Variants in LTF observed in about 807,000 individuals in gnomAD.
LTF encodes the protein epididymis luminal protein 110.
A neutral mutation model predicts 87.2 loss-of-function variants in LTF; 91 were observed. The ratio of observed to expected loss-of-function variants is 1.04; its 90% CI spans 0.88 to 1.24. The LOEUF (loss-of-function observed/expected upper bound fraction) is 1.24. LTF is among the 50% of genes most tolerant of loss of function. The pLI is 0.00. For synonymous variants in LTF, 378 were observed against 356.1 expected (o/e 1.06, Z -0.69); for missense variants, 901 against 904.3 (o/e 1.00, Z 0.05).
At chr3:46,438,843 G>A (rs1702447576) in intron 15 of LTF, among the ~76,000 whole-genome samples, 1 of 152,132 alleles carries the variant, frequency 6.6e-6, no homozygotes, top group Non-Finnish European at 1.5e-5. Context: ...ATCACATTTA[G>A]AGAGCCCTAA....
At chr3:46,468,852 A>C (rs1703248013), upstream of LTF, among the ~76,000 whole-genome samples, 1 of 152,206 alleles carries the variant, frequency 6.6e-6, no homozygotes, top group South Asian at 2.1e-4. Context: ...AACTGATGGC[A>C]GCTTGATATC....
At chr3:46,438,559 C>A (rs765422181) in intron 15 of LTF, among the ~76,000 whole-genome samples, 1 of 152,192 alleles carries the variant, frequency 6.6e-6, no homozygotes, top group Non-Finnish European at 1.5e-5. Context: ...GCTCAGTGTG[C>A]AGGTCGGTCA....
At chr3:46,438,994 T>C (rs1262172609) in intron 15 of LTF, among the ~76,000 whole-genome samples, 1 of 152,044 alleles carries the variant, frequency 6.6e-6, no homozygotes, top group African/African-American at 2.4e-5. Context: ...GGCTTCCTCA[T>C]TTGCCAGAAG....
chr3:46,464,729 C>T, intron 1 of LTF, 96 bp downstream of exon 1: 2 of 1,398,766 alleles, frequency 1.4e-6, no homozygotes, highest in African/African-American at 1.4e-5. Flanking sequence ...AGAGACCCCG[C>T]GCCCAGCCAA....
chr3:46,470,914 C>G (rs1004061349), intron 1 of LTF, among the ~76,000 whole-genome samples: 1 of 152,212 alleles, frequency 6.6e-6, no homozygotes, highest in Non-Finnish European at 1.5e-5. Context: ...GTGCAGTGCT[C>G]AGTACAGACA....
rs1559614860 is a variant in LTF, at chr3:46,482,669, A to AAAGAAAGAAAGG, written c.-320+2316_-320+2317insCCTTTCTTTCTT. 1.5e-4 allele frequency among the ~76,000 whole-genome samples: 16 copies of AAAGAAAGAAAGG among 105,696 alleles called. 1 individual carries two copies. The highest frequency in any genetic ancestry group is 2.6e-4 in the Non-Finnish European group (13 of 50,946). The allele number at this position is 105,696 out of a possible 152,430, so 69.3% of individuals were successfully genotyped here. On this transcript the variant is annotated intron_variant, in intron 1 of 19. Transcript: ENST00000443496. ...GAAAGAAAGAAAGAAAGAAGGAAGGAAGGAAGGAAGGAAGGAAGGAAGGAA... is the reference window on the plus strand; with the variant it reads ...GAAAGAAAGAAAGAAAGAAGGAAGGAAAGAAAGAAAGGAGGAAGGAAGGAAGGAAGGAAGGAA...
At chr3:46,472,685 T>C (rs1438947859) in intron 1 of LTF, among the ~76,000 whole-genome samples, 1 of 151,942 alleles carries the variant, frequency 6.6e-6, no homozygotes, top group Non-Finnish European at 1.5e-5. Flanking sequence ...AAAGCTGACC[T>C]CTCCAGAACA....
chr3:46,468,723 C>A (rs768319442), upstream of LTF, among the ~76,000 whole-genome samples: 39 of 152,220 alleles, frequency 2.6e-4, no homozygotes, highest in Non-Finnish European at 2.5e-4. Flanking sequence ...CATCAACTCA[C>A]GCTTGGACAA....
At chr3:46,468,340 G>A (rs1011099557), upstream of LTF, 1 of 456,718 alleles carries the variant, frequency 2.2e-6, no homozygotes, top group Non-Finnish European at 4.4e-6. Flanking sequence ...GCAGAATGCA[G>A]GTTTCCAAAT....
At chr3:46,444,113 A>G (rs1650629753) in intron 12 of LTF, among the ~76,000 whole-genome samples, 2 of 152,210 alleles carry the variant, frequency 1.3e-5, no homozygotes, top group South Asian at 2.1e-4. Flanking sequence ...CAATTGGTAC[A>G]TGCCTTTTGC....
At chr3:46,477,969 A>G (rs1703382651) in intron 1 of LTF, among the ~76,000 whole-genome samples, 1 of 152,138 alleles carries the variant, frequency 6.6e-6, no homozygotes, top group South Asian at 2.1e-4. Flanking sequence ...AGCGGGAGCC[A>G]CTTTCCCCAG....
rs749802528 is a variant in LTF, at chr3:46,439,339, A to G, written c.1865T>C (p.Met622Thr). The change falls in exon 15 of 17, where the codon ATG becomes ACG. Residue 622 changes from methionine (M) to threonine (T), a missense_variant. Met to Thr is a moderately conservative substitution (Grantham distance 81). Transcript: ENST00000231751. Reference protein sequence around the residue: ...MAPNHAVVSRMDKVERLKQVL... With the variant: ...MAPNHAVVSRTDKVERLKQVL... ...CTGTTTCAGGCGTTCCACCTTATCC[A>G]TCCGAGACACCACGGCATGATTCGG... 1 of 1,614,186 alleles carries G rather than the reference A, an allele frequency of 6.2e-7. No homozygotes were observed. The highest frequency in any genetic ancestry group is 1.3e-5 in the African/African-American group (1 of 75,070).
intron 1 of LTF, among the ~76,000 whole-genome samples, chr3:46,481,768 CT>C (rs1237685005): frequency 3.3e-5 from 5 of 152,108 alleles, no homozygotes; most frequent in Non-Finnish European, 7.4e-5. Flanking sequence ...TAAAACAAAA[CT>C]AAAAAACCAC....
At chr3:46,453,771 C>T (rs920731388) in intron 6 of LTF, among the ~76,000 whole-genome samples, 30 of 152,178 alleles carry the variant, frequency 2.0e-4, no homozygotes, top group African/African-American at 7.2e-4. Context: ...GTGAAGGTAT[C>T]AGTCGTGTGG....
upstream of LTF, among the ~76,000 whole-genome samples, chr3:46,467,582 G>A (rs1703231719): frequency 6.6e-6 from 1 of 151,934 alleles, no homozygotes; most frequent in Admixed American, 6.6e-5. Flanking sequence ...TGAGCACTAG[G>A]GACAACAAAA....
chr3:46,441,587 A>G (rs1702515053), intron 13 of LTF, 104 bp from the exon 14 acceptor site: 1 of 814,348 alleles, frequency 1.2e-6, no homozygotes, highest in African/African-American at 1.7e-5. Context: ...ATGGAAGTAA[A>G]CATCTAAAAG....
In LTF at chr3:46,464,782, G is replaced by C. The variant is rs201904887; in HGVS notation, c.43+43C>G. ...AGCGCCTAGCAGACAGGGCGCAGGAGACGCCCATCAGGCGGCTCGCGCCCC... is the reference window on the plus strand; with the variant it reads ...AGCGCCTAGCAGACAGGGCGCAGGACACGCCCATCAGGCGGCTCGCGCCCC... On this transcript the variant is annotated intron_variant, in intron 1 of 16. Coordinates refer to ENST00000231751, the MANE Select transcript of LTF (RefSeq NM_002343.6). 329 of 1,605,974 alleles carry C rather than the reference G, an allele frequency of 2.0e-4. 1 individual carries two copies. The African/African-American group carries it at 4.0e-3, about 20-fold the overall frequency.
intron 6 of LTF, 139 bp downstream of exon 6, chr3:46,454,166 A>ATT: frequency 1.3e-6 from 1 of 772,758 alleles, no homozygotes; most frequent in Non-Finnish European, 2.3e-6. Context: ...ATGAAAGATC[A>ATT]TAAAATCAGA....
intron 1 of LTF, among the ~76,000 whole-genome samples, chr3:46,478,791 C>A (rs145473289): frequency 6.6e-6 from 1 of 152,320 alleles, no homozygotes; most frequent in African/African-American, 2.4e-5. Context: ...AGGTTACTAC[C>A]TTGAAATAAT....
Sources: gnomAD v4.1 joint callset for allele counts (sites outside exome capture counted in the v4.1 genomes callset) on GRCh38, gnomAD v4.1.1 for gene constraint, MANE v1.5 for transcripts, NCBI Gene and HGNC (gene_info 2026-07-23, HGNC 2026-07-21) for gene names.